VAC14: variants seen among roughly 807,000 people sequenced by gnomAD.
VAC14 encodes the protein VAC14 component of PIKFYVE complex, also known as protein VAC14 homolog.
Under a neutral mutation model 85.3 loss-of-function variants are expected in VAC14, and 47 were observed. That is an observed-to-expected ratio of 0.55 (90% CI 0.44 to 0.70). VAC14 has a LOEUF of 0.70. VAC14 is among the 30% of genes least tolerant of loss of function. VAC14 has a pLI of 0.00. For synonymous variants in VAC14, 447 were observed against 430.5 expected (o/e 1.04, Z -0.47); for missense variants, 861 against 1,004.3 (o/e 0.86, Z 1.93).
intron 1 of VAC14, among the ~76,000 whole-genome samples, chr16:70,789,486 A>C (rs1160546948): frequency 1.3e-5 from 2 of 152,224 alleles, no homozygotes; most frequent in Admixed American, 6.5e-5. Flanking sequence ...GGAGGTGCGC[A>C]CACAGCTGCT....
intron 10 of VAC14, among the ~76,000 whole-genome samples, chr16:70,766,865 A>T (rs188812679): frequency 1.1e-3 from 169 of 152,262 alleles, no homozygotes; most frequent in Non-Finnish European, 1.9e-3. Context: ...CAGCAGGGGA[A>T]CTGGGGCTCT....
chr16:70,711,522 C>A (rs2054034509), intron 14 of VAC14, among the ~76,000 whole-genome samples: 1 of 152,032 alleles, frequency 6.6e-6, no homozygotes, highest in Non-Finnish European at 1.5e-5. Flanking sequence ...CTGTGCACAG[C>A]CCTGGCCTCC....
chr16:70,726,720 C>T (rs1241673142), intron 14 of VAC14, among the ~76,000 whole-genome samples: 1 of 152,178 alleles, frequency 6.6e-6, no homozygotes, highest in Admixed American at 6.5e-5. Flanking sequence ...CACATGTCGC[C>T]ATCTTCGCTC....
chr16:70,725,305 AGTGGTGCAGACGGCCGGTGGCCTTG>A (rs1396096958), intron 14 of VAC14, among the ~76,000 whole-genome samples: 2 of 152,372 alleles, frequency 1.3e-5, no homozygotes, highest in South Asian at 2.1e-4. Context: ...GAGGGGCGCC[AGTGGTGCAGACGGCCGGTGGCCTTG>A]GACACCTTGG....
intron 6 of VAC14, 142 bp downstream of exon 6, chr16:70,783,303 C>G: frequency 1.9e-6 from 2 of 1,039,386 alleles, no homozygotes; most frequent in Non-Finnish European, 2.9e-6. Flanking sequence ...GGGCTCTTGG[C>G]TCCTCAAAGC....
At chr16:70,699,196 G>C (rs1334458212) in intron 14 of VAC14, 1 of 219,786 alleles carries the variant, frequency 4.5e-6, no homozygotes, top group African/African-American at 2.2e-5. Flanking sequence ...CCTGTCCCCT[G>C]CTGGGCTTTC....
chr16:70,800,894 G>A lies in VAC14; in HGVS notation c.7C>T (p.Pro3Ser). Reference protein sequence around the residue: MNPEKDFAPLTPN... With the variant: MNSEKDFAPLTPN... The stretch of plus-strand genomic sequence containing the variant: ...GTGAGCGGCGCGAAATCCTTCTCGG[G>A]GTTCATGGTGGCAGCTGGGGGAACC... Residue 3 changes from proline to serine, a missense_variant, in exon 1 of 19, where the codon CCC becomes TCC. By Grantham distance (74) the Pro-to-Ser change is moderately conservative. Transcript: ENST00000261776. The A allele has an allele frequency of 6.3e-7, 1 of 1,588,384 alleles. No homozygotes were observed. Among genetic ancestry groups the A allele is most frequent in the Admixed American group, 1.7e-5 (1 of 58,112 alleles).
intron 1 of VAC14, among the ~76,000 whole-genome samples, chr16:70,799,717 G>A (rs1481882759): frequency 2.0e-5 from 3 of 152,206 alleles, no homozygotes; most frequent in African/African-American, 7.2e-5. Context: ...CAGAGGCTGA[G>A]AAACCCTGAG....
chr16:70,786,301 A>G lies in VAC14; in HGVS notation c.169T>C (p.Ser57Pro). ...VQIKHVIQTL[S>P]QEFALSQHPH... The stretch of plus-strand genomic sequence containing the variant: ...TGCTGAGACAGGGCAAACTCCTGGG[A>G]CAGGGTCTGGATCACATGCTTGATT... Residue 57 changes from serine to proline, a missense_variant, in exon 2 of 19, where the codon TCC becomes CCC. By Grantham distance (74) the Ser-to-Pro change is moderately conservative. Around this residue, in one of 3 missense-constraint regions of VAC14, gnomAD observed 629 missense variants for 703.1 expected, o/e 0.89. Transcript: ENST00000261776. 1.2e-6 allele frequency: 2 copies of G among 1,614,198 alleles called. No homozygotes were observed. Among genetic ancestry groups the G allele is most frequent in the African/African-American group, 2.7e-5 (2 of 75,044 alleles).
chr16:70,768,602 C>G (rs574199388), intron 10 of VAC14: 7 of 321,848 alleles, frequency 2.2e-5, no homozygotes, highest in Admixed American at 4.5e-5. Context: ...CTGGGGCCAC[C>G]AGGGGCTTCC....
At chr16:70,719,953 T>C (rs1251584473) in intron 14 of VAC14, among the ~76,000 whole-genome samples, 1 of 152,200 alleles carries the variant, frequency 6.6e-6, no homozygotes, top group Non-Finnish European at 1.5e-5. Flanking sequence ...CCCATGCCCA[T>C]CAATACTAGA....
intron 10 of VAC14, among the ~76,000 whole-genome samples, chr16:70,765,742 C>T (rs991433633): frequency 1.4e-4 from 21 of 152,010 alleles, no homozygotes; most frequent in Non-Finnish European, 2.1e-4. Context: ...GGCAGCAGAA[C>T]GGCAGCTCCA....
At chr16:70,725,820 T>C (rs4985422) in intron 14 of VAC14, among the ~76,000 whole-genome samples, 151,384 of 152,314 alleles carry the variant, frequency 0.99, 75,230 homozygotes, top group East Asian at 1. Flanking sequence ...TGCCCTGTTC[T>C]CCTGGGAGGT....
intron 13 of VAC14, among the ~76,000 whole-genome samples, chr16:70,743,548 C>A (rs150575543): frequency 1.3e-5 from 2 of 152,286 alleles, no homozygotes; most frequent in South Asian, 2.1e-4. Flanking sequence ...ACGAACCCAC[C>A]GGAAGGAAGA....
chr16:70,757,272 G>A (rs1447827714), intron 12 of VAC14, among the ~76,000 whole-genome samples: 1 of 152,236 alleles, frequency 6.6e-6, no homozygotes, highest in Non-Finnish European at 1.5e-5. Context: ...GGCTGTGGAG[G>A]CTCCAATGCA....
At position 70,783,086 on chromosome 16, in the gene VAC14, C is replaced by G; in HGVS notation, c.758G>C (p.Ser253Thr). ...FLKEIKKNPS[S>T]VKFAEMANIL... ...GTTGGCCATCTCAGCAAACTTCACA[C>G]TGGAGGGGTTCTTCTTAATTTCTTT... Residue 253 changes from serine (S) to threonine (T), a missense_variant, in exon 7 of 19, where the codon AGT becomes ACT. Physicochemically the swap from Ser to Thr is moderately conservative, Grantham distance 58. This residue lies in a region of VAC14 where 629 missense variants were observed against 703.1 expected (regional missense o/e 0.89). Coordinates refer to ENST00000261776, the MANE Select transcript of VAC14 (RefSeq NM_018052.5). 2.5e-6 allele frequency: 4 copies of G among 1,614,204 alleles called. No homozygotes were observed. The Admixed American group carries it at 6.7e-5, about 27-fold the overall frequency.
intron 10 of VAC14, chr16:70,768,966 A>AT (rs60721142): frequency 0.043 from 9,175 of 215,022 alleles, 83 homozygotes; most frequent in South Asian, 0.071. Flanking sequence ...ACGCCTGGCT[A>AT]TTTTTTTTTT....
chr16:70,693,871 C>T (rs1253651485), intron 17 of VAC14, among the ~76,000 whole-genome samples: 2 of 152,206 alleles, frequency 1.3e-5, no homozygotes, highest in Non-Finnish European at 2.9e-5. Flanking sequence ...CAGGGGGTCC[C>T]GCTGACAAAG....
chr16:70,784,270 C>A lies in VAC14; in HGVS notation c.487-50G>T, dbSNP rs557657486. ...GCCGAGAGCCCGAGACCAGGGCTGC[C>A]TGACCTCGCTGAATCACTTGCCCAG... On this transcript the variant is annotated intron_variant, in intron 4 of 18. Coordinates refer to ENST00000261776, the MANE Select transcript of VAC14 (RefSeq NM_018052.5). 8 of 1,495,264 alleles carry A rather than the reference C, an allele frequency of 5.4e-6. No individual in the cohort carries two copies. In the South Asian group the frequency reaches 6.9e-5, roughly 13 times the overall value. The allele number at this position is 1,495,264 out of a possible 1,614,324, so 92.6% of individuals were successfully genotyped here.
Sources: gnomAD v4.1 joint callset for allele counts (sites outside exome capture counted in the v4.1 genomes callset) on GRCh38, gnomAD v4.1.1 for gene constraint, gnomAD v4.1.1 regional missense constraint, MANE v1.5 for transcripts, NCBI Gene and HGNC (gene_info 2026-07-23, HGNC 2026-07-21) for gene names.